Variants in NFYC observed in about 807,000 individuals in gnomAD.
NFYC encodes nuclear transcription factor Y subunit gamma.
A neutral mutation model predicts 53.1 loss-of-function variants in NFYC; 25 were observed. That is an observed-to-expected ratio of 0.47 (90% CI 0.34 to 0.66). NFYC has a LOEUF of 0.66. NFYC is among the 30% of genes least tolerant of loss of function. The probability of loss-of-function intolerance (pLI) is 0.01; values close to 1 mark genes in which losing one functional copy is unlikely to be tolerated. For synonymous variants in NFYC, 145 were observed against 152.6 expected, an observed-to-expected ratio of 0.95 and a Z score of 0.37; for missense variants, 260 against 422.7, an observed-to-expected ratio of 0.62 and a Z score of 3.38.
chr1:40,728,998 C>CT (rs1449720055), intron 1 of NFYC, among the ~76,000 whole-genome samples: 3 of 152,080 alleles, frequency 2.0e-5, no homozygotes, highest in Non-Finnish European at 2.9e-5. Flanking sequence ...TCAAAGGAAT[C>CT]TTTTTTTTCT....
Position 40,747,841 on chromosome 1 carries a change from G to T in NFYC, c.177+236G>T, listed in dbSNP as rs558809658. ...ATGTTGAAAAAATAGTTGATGTTGG[G>T]TTTTTTTTTTTTTTTTGAGAGTTTT... On this transcript the variant is annotated intron_variant, in intron 3 of 9. Coordinates refer to ENST00000447388, the MANE Select transcript of NFYC (RefSeq NM_014223.5). 1.5e-3 allele frequency among the ~76,000 whole-genome samples: 205 copies of T among 136,986 alleles called. 2 individuals carry two copies. Among genetic ancestry groups the T allele is most frequent in the African/African-American group, 4.4e-3 (164 of 37,494 alleles). 89.9% of individuals were successfully genotyped at this position (136,986 alleles called of 152,430 possible).
intron 1 of NFYC, chr1:40,709,439 G>A (rs774717902): frequency 6.6e-6 from 1 of 152,252 alleles, no homozygotes; most frequent in Non-Finnish European, 1.5e-5. Context: ...TAGTTTGTTG[G>A]GGGGTGGGAG....
At chr1:40,728,627 G>A (rs1358074313) in intron 1 of NFYC, among the ~76,000 whole-genome samples, 1 of 152,084 alleles carries the variant, frequency 6.6e-6, no homozygotes, top group East Asian at 2.0e-4. Context: ...AGTTGTGCAA[G>A]CAGATTAATG....
intron 1 of NFYC, among the ~76,000 whole-genome samples, chr1:40,707,692 T>C (rs778531157): frequency 1.8e-4 from 27 of 149,802 alleles, no homozygotes; most frequent in Non-Finnish European, 3.1e-4. Context: ...ATAGAAAAAT[T>C]AGCGGGGGTG....
intron 1 of NFYC, among the ~76,000 whole-genome samples, chr1:40,733,777 T>C (rs2148566068): frequency 6.6e-6 from 1 of 152,102 alleles, no homozygotes; most frequent in East Asian, 2.0e-4. Context: ...GGAGTCTCGC[T>C]CTGTCGCCCA....
At chr1:40,744,195 T>C (rs537582796) in intron 2 of NFYC, among the ~76,000 whole-genome samples, 3 of 152,124 alleles carry the variant, frequency 2.0e-5, no homozygotes, top group African/African-American at 7.2e-5. Flanking sequence ...GAACTGCGCA[T>C]GTGAGGGATC....
intron 1 of NFYC, among the ~76,000 whole-genome samples, chr1:40,718,539 A>G (rs544048460): frequency 6.6e-6 from 1 of 152,360 alleles, no homozygotes; most frequent in African/African-American, 2.4e-5. Context: ...CATACAGTCA[A>G]ATTGAATTAC....
At chr1:40,715,801 G>A (rs900091778) in intron 1 of NFYC, among the ~76,000 whole-genome samples, 2 of 151,890 alleles carry the variant, frequency 1.3e-5, no homozygotes, top group Non-Finnish European at 2.9e-5. Context: ...CAGTATAAAG[G>A]AAGAACTAAA....
chr1:40,736,608 A>G (rs1476685808), intron 1 of NFYC, among the ~76,000 whole-genome samples: 2 of 152,130 alleles, frequency 1.3e-5, no homozygotes, highest in Non-Finnish European at 2.9e-5. Context: ...AAATTTCTCC[A>G]TTCTTTGTGT....
rs115120341 is a variant in NFYC, at chr1:40,720,750, C to T, written c.-8-18086C>T. The stretch of plus-strand genomic sequence containing the variant: ...AGGTATGGTGGCAAGCACCTGTAGT[C>T]CCCGCTACTCAGGAGGCTGAGCAGG... On this transcript the variant is annotated intron_variant, in intron 1 of 9. Coordinates refer to ENST00000447388, the MANE Select transcript of NFYC (RefSeq NM_014223.5). 6.0e-3 allele frequency among the ~76,000 whole-genome samples: 916 copies of T among 152,264 alleles called. 6 individuals are homozygous for T. The highest frequency in any genetic ancestry group is 0.02 in the Middle Eastern group (6 of 294).
At chr1:40,726,136 A>G (rs1644507892) in intron 1 of NFYC, among the ~76,000 whole-genome samples, 1 of 139,972 alleles carries the variant, frequency 7.1e-6, no homozygotes, top group African/African-American at 2.5e-5. Flanking sequence ...TTTTTTTTTG[A>G]GATGGAGTTT....
At chr1:40,730,701 G>C (rs1644730827) in intron 1 of NFYC, 5 of 546,136 alleles carry the variant, frequency 9.2e-6, no homozygotes, top group Non-Finnish European at 9.3e-6. Flanking sequence ...CCTAAGGGCT[G>C]CAAGTCGGTT....
chr1:40,721,713 C>T (rs1644333974), intron 1 of NFYC: 1 of 152,396 alleles, frequency 6.6e-6, no homozygotes, highest in Non-Finnish European at 1.5e-5. Context: ...AGGTGCGTGC[C>T]ACCACACAGG....
intron 4 of NFYC, among the ~76,000 whole-genome samples, chr1:40,750,987 A>G (rs554206338): frequency 3.3e-5 from 5 of 152,072 alleles, no homozygotes; most frequent in Non-Finnish European, 5.9e-5. Flanking sequence ...AATATTAGAC[A>G]TTTTCTGATA....
chr1:40,715,828 A>C (rs1455194664), intron 1 of NFYC, among the ~76,000 whole-genome samples: 1 of 152,264 alleles, frequency 6.6e-6, no homozygotes, highest in African/African-American at 2.4e-5. Context: ...AAAACATAGT[A>C]AATGTTTAAC....
At chr1:40,757,380 A>G (rs1646283661) in intron 5 of NFYC, 1 of 533,982 alleles carries the variant, frequency 1.9e-6, no homozygotes, top group African/African-American at 1.9e-5. Flanking sequence ...GGAAAACATC[A>G]GCTGAAGAAG....
In NFYC at chr1:40,737,901, CTTT is replaced by C. The variant is rs530348029; in HGVS notation, c.-8-918_-8-916del. Among the ~76,000 whole-genome samples, 935 of 123,110 alleles carry C rather than the reference CTTT, an allele frequency of 7.6e-3. 9 individuals carry two copies. Among genetic ancestry groups the C allele is most frequent in the African/African-American group, 0.024 (758 of 31,914 alleles). 80.8% of individuals were successfully genotyped at this position (123,110 alleles called of 152,430 possible). A position where few individuals can be genotyped will look rare whatever the true frequency, so the allele number is the denominator to read the frequency against. On this transcript the variant is annotated intron_variant, in intron 1 of 9. Transcript: ENST00000447388. ...AGAAGAAACTTAGCGTGCTCTCTCT[CTTT>C]TTTTTTTTTTTTTTTTGAGACGGAG...
intron 1 of NFYC, among the ~76,000 whole-genome samples, chr1:40,700,679 A>G (rs908361446): frequency 6.6e-5 from 10 of 152,124 alleles, no homozygotes; most frequent in African/African-American, 2.2e-4. Context: ...GTCTCACTCT[A>G]TGAGGTTCAA....
Position 40,736,820 on chromosome 1 carries a change from CAAAAAAAAAAAA to C in NFYC, c.-8-2003_-8-1992del, listed in dbSNP as rs71060396. Among the ~76,000 whole-genome samples, 97 of 63,686 alleles carry C rather than the reference CAAAAAAAAAAAA, an allele frequency of 1.5e-3. 1 individual carries two copies. The South Asian group carries it at 0.04, about 26-fold the overall frequency. 41.8% of individuals were successfully genotyped at this position (63,686 alleles called of 152,430 possible). On this transcript the variant is annotated intron_variant, in intron 1 of 9. Transcript: ENST00000447388. ...CAGTAAGTATAATGCAAACTTATTC[CAAAAAAAAAAAA>C]AAAAAAAAAAAAGGCTGGGCGCGGT...
Sources: allele counts gnomAD v4.1 joint callset (sites outside exome capture counted in the v4.1 genomes callset), GRCh38; gene constraint gnomAD v4.1.1; transcripts MANE v1.5; gene names NCBI Gene and HGNC (gene_info 2026-07-23, HGNC 2026-07-21).